Variants in GRID2 observed in about 807,000 individuals in gnomAD.
GRID2 encodes glutamate receptor ionotropic, delta-2.
Under a neutral mutation model 114.8 loss-of-function variants are expected in GRID2, and 33 were observed. The ratio of observed to expected loss-of-function variants is 0.29; its 90% confidence interval spans 0.22 to 0.38. GRID2 has a LOEUF of 0.38. GRID2 is among the 10% of genes least tolerant of loss of function. The pLI, the probability that GRID2 is intolerant of heterozygous loss-of-function variation, is 1.00. For missense variants in GRID2, 1,184 were observed against 1,257.7 expected (o/e 0.94, Z 0.89); for synonymous variants, 505 against 449.9 (o/e 1.12, Z -1.55).
intron 2 of GRID2, among the ~76,000 whole-genome samples, chr4:92,897,330 T>C (rs181490945): frequency 5.0e-4 from 76 of 152,276 alleles, no homozygotes; most frequent in African/African-American, 1.8e-3. Flanking sequence ...TCTTTAATAC[T>C]ATTCAGATTT....
In GRID2 at chr4:93,521,620, T is replaced by C. The variant is rs548569149; in HGVS notation, c.2193+6209T>C. ...AGGCCTGGTAGAGTAGAAGAAGAGA[T>C]TAGGGAAAGATTAGAGAAAAGAAAA... is the stretch of plus-strand genomic sequence containing the variant. On this transcript the variant is annotated intron_variant, in intron 13 of 15. Coordinates refer to ENST00000282020, the MANE Select transcript of GRID2 (RefSeq NM_001510.4). Among the ~76,000 whole-genome samples, 3 of 150,792 alleles carry C rather than the reference T, an allele frequency of 2.0e-5. No homozygotes were observed. In the South Asian group the frequency reaches 6.3e-4, roughly 32 times the overall value.
intron 10 of GRID2, among the ~76,000 whole-genome samples, chr4:93,452,818 T>G (rs1014824016): frequency 6.6e-6 from 1 of 151,978 alleles, no homozygotes; most frequent in Non-Finnish European, 1.5e-5. Flanking sequence ...TGTCTTTGAT[T>G]ATTTCTGGTT....
chr4:93,450,986 T>G (rs1225929164), intron 10 of GRID2, among the ~76,000 whole-genome samples: 1 of 152,006 alleles, frequency 6.6e-6, no homozygotes, highest in African/African-American at 2.4e-5. Context: ...TGCCATTTTC[T>G]TTTTATTATT....
intron 2 of GRID2, among the ~76,000 whole-genome samples, chr4:92,769,250 T>A (rs892598924): frequency 2.0e-5 from 3 of 152,188 alleles, no homozygotes; most frequent in Admixed American, 6.5e-5. Context: ...TTTGACTCCA[T>A]GTCTCACATC....
At chr4:93,335,139 A>G (rs1758915022) in intron 8 of GRID2, among the ~76,000 whole-genome samples, 1 of 152,190 alleles carries the variant, frequency 6.6e-6, no homozygotes, top group Non-Finnish European at 1.5e-5. Flanking sequence ...TAACTGTGTG[A>G]CGCAGTGATT....
intron 1 of GRID2, among the ~76,000 whole-genome samples, chr4:93,798,042 A>C (rs368756099): frequency 6.6e-6 from 1 of 152,096 alleles, no homozygotes; most frequent in African/African-American, 2.4e-5. Flanking sequence ...ACTCCCAGCT[A>C]CTTGGGAGGC....
chr4:92,757,352 G>A (rs1227752886), intron 2 of GRID2, among the ~76,000 whole-genome samples: 2 of 151,996 alleles, frequency 1.3e-5, no homozygotes, highest in African/African-American at 4.8e-5. Context: ...TCTGTGATGA[G>A]GTAAAAAGGG....
At chr4:93,725,146 A>G (rs1039994781) in intron 14 of GRID2, among the ~76,000 whole-genome samples, 2 of 151,814 alleles carry the variant, frequency 1.3e-5, no homozygotes, top group African/African-American at 4.8e-5. Flanking sequence ...CCCCCACCAA[A>G]CAACAGTCCC....
intron 4 of GRID2, among the ~76,000 whole-genome samples, chr4:93,113,647 G>C (rs1732978344): frequency 6.6e-6 from 1 of 152,190 alleles, no homozygotes; most frequent in Non-Finnish European, 1.5e-5. Context: ...AAATGAAAGA[G>C]TATCAGCATT....
chr4:93,644,609 G>C (rs577936287), intron 14 of GRID2, among the ~76,000 whole-genome samples: 260 of 152,012 alleles, frequency 1.7e-3, no homozygotes, highest in African/African-American at 5.8e-3. Context: ...TTATATTCTT[G>C]GTGCTAATCA....
chr4:92,440,356 G>T (rs1273535137), intron 1 of GRID2, among the ~76,000 whole-genome samples: 1 of 126,358 alleles, frequency 7.9e-6, no homozygotes, highest in Non-Finnish European at 1.9e-5. Flanking sequence ...TGACAGAAGG[G>T]AAGAAATGAC....
intron 2 of GRID2, among the ~76,000 whole-genome samples, chr4:92,638,304 C>T (rs1333409613): frequency 6.6e-6 from 1 of 151,476 alleles, no homozygotes; most frequent in Non-Finnish European, 1.5e-5. Context: ...TAACCAGAAA[C>T]CCAGCTTCCA....
chr4:92,664,662 A>G (rs1732681271), intron 2 of GRID2, among the ~76,000 whole-genome samples: 1 of 149,558 alleles, frequency 6.7e-6, no homozygotes, highest in Non-Finnish European at 1.5e-5. Context: ...ACTTTTATAG[A>G]ACTGTCTATC....
At chr4:92,731,930 C>G (rs970151037) in intron 2 of GRID2, among the ~76,000 whole-genome samples, 1 of 151,880 alleles carries the variant, frequency 6.6e-6, no homozygotes, top group African/African-American at 2.4e-5. Flanking sequence ...AGTGGAATTG[C>G]ATTTTTTAAA....
At chr4:92,571,766 C>T (rs1241057324) in intron 1 of GRID2, among the ~76,000 whole-genome samples, 7 of 152,168 alleles carry the variant, frequency 4.6e-5, no homozygotes, top group African/African-American at 1.4e-4. Flanking sequence ...AACTGAACAA[C>T]CTGCTCCTGA....
intron 2 of GRID2, among the ~76,000 whole-genome samples, chr4:92,814,437 G>A (rs925713174): frequency 6.6e-6 from 1 of 152,120 alleles, no homozygotes; most frequent in African/African-American, 2.4e-5. Flanking sequence ...CCCCTGCAAG[G>A]CTGATATCCA....
At chr4:92,652,941 T>TATATTTATAAATATATATAAAC (rs1732035103) in intron 2 of GRID2, among the ~76,000 whole-genome samples, 1 of 72,888 alleles carries the variant, frequency 1.4e-5, no homozygotes, top group Non-Finnish European at 3.0e-5. Context: ...TATATAAACA[T>TATATTTATAAATATATATAAAC]ATATTTATAA....
chr4:92,731,207 C>G (rs367880167), intron 2 of GRID2, among the ~76,000 whole-genome samples: 1 of 151,404 alleles, frequency 6.6e-6, no homozygotes, highest in Non-Finnish European at 1.5e-5. Context: ...TACTTAGACT[C>G]TAGCTAATTT....
At chr4:93,372,269 T>A (rs1763002057) in intron 8 of GRID2, among the ~76,000 whole-genome samples, 1 of 152,164 alleles carries the variant, frequency 6.6e-6, no homozygotes, top group Non-Finnish European at 1.5e-5. Flanking sequence ...CAAAGTTAAT[T>A]TTGAATTGGG....
Sources: gnomAD v4.1 joint callset for allele counts (sites outside exome capture counted in the v4.1 genomes callset) on GRCh38, gnomAD v4.1.1 for gene constraint, MANE v1.5 for transcripts, NCBI Gene and HGNC (gene_info 2026-07-23, HGNC 2026-07-21) for gene names.